Variants in CA10 observed in about 807,000 individuals in gnomAD.
CA10 encodes the protein carbonic anhydrase 10 (inactive), also known as carbonic anhydrase-related protein 10.
Under a neutral mutation model 44.2 loss-of-function variants are expected in CA10, and 14 were observed. That is an observed-to-expected ratio of 0.32 (90% confidence interval 0.21 to 0.50). CA10 has a LOEUF of 0.50. CA10 is among the 20% of genes least tolerant of loss of function. The probability of loss-of-function intolerance (pLI) is 0.99; values close to 1 mark genes in which losing one functional copy is unlikely to be tolerated. For missense variants in CA10, 350 were observed against 409.7 expected (o/e 0.85, Z 1.26); for synonymous variants, 159 against 141.6 (o/e 1.12, Z -0.87).
chr17:52,129,121 C>T (rs1238984223), intron 1 of CA10, among the ~76,000 whole-genome samples: 1 of 152,166 alleles, frequency 6.6e-6, no homozygotes, highest in Non-Finnish European at 1.5e-5. Flanking sequence ...TCTCTGTAGC[C>T]TACTCATCCT....
intron 3 of CA10, among the ~76,000 whole-genome samples, chr17:51,905,153 A>G (rs9675183): frequency 0.12 from 18,377 of 152,144 alleles, 1,637 homozygotes; most frequent in African/African-American, 0.26. Context: ...CTAAGATTGG[A>G]AATCAAAAAG....
intron 3 of CA10, among the ~76,000 whole-genome samples, chr17:51,917,138 G>A (rs203066): frequency 0.53 from 80,060 of 152,062 alleles, 21,548 homozygotes; most frequent in Non-Finnish European, 0.57. Flanking sequence ...GATAAAAAAG[G>A]GGGCTTATAT....
At chr17:51,752,147 A>G (rs933080877) in intron 3 of CA10, among the ~76,000 whole-genome samples, 3 of 152,072 alleles carry the variant, frequency 2.0e-5, no homozygotes, top group Non-Finnish European at 2.9e-5. Context: ...AATCAAAAAA[A>G]GCTGTGTAGC....
chr17:51,782,436 CATTTTCTCCATCAAAATGAA>C (rs1906100984), intron 3 of CA10, among the ~76,000 whole-genome samples: 1 of 152,162 alleles, frequency 6.6e-6, no homozygotes, highest in East Asian at 1.9e-4. Context: ...ATGGAGAAAA[CATTTTCTCCATCAAAATGAA>C]ATGAAGGCCC....
intron 2 of CA10, among the ~76,000 whole-genome samples, chr17:52,019,297 C>T (rs1042525490): frequency 9.2e-5 from 14 of 151,974 alleles, no homozygotes; most frequent in African/African-American, 2.7e-4. Flanking sequence ...ATGAACAAAA[C>T]GTTAGTTGTG....
intron 3 of CA10, among the ~76,000 whole-genome samples, chr17:51,819,108 G>A (rs560883073): frequency 6.6e-6 from 1 of 152,296 alleles, no homozygotes; most frequent in East Asian, 1.9e-4. Flanking sequence ...TTTTATAATT[G>A]AGAAAAACAG....
intron 3 of CA10, among the ~76,000 whole-genome samples, chr17:51,760,027 A>G (rs995777195): frequency 2.6e-5 from 4 of 152,298 alleles, no homozygotes; most frequent in African/African-American, 9.6e-5. Flanking sequence ...ATGTCATTTA[A>G]TTCAATCCCT....
chr17:51,782,188 A>T (rs1906089375), intron 3 of CA10, among the ~76,000 whole-genome samples: 1 of 152,238 alleles, frequency 6.6e-6, no homozygotes, highest in South Asian at 2.1e-4. Context: ...TGGTCATCTG[A>T]ATACTCCAAA....
chr17:51,809,360 T>C (rs1284540395), intron 3 of CA10, among the ~76,000 whole-genome samples: 2 of 152,236 alleles, frequency 1.3e-5, no homozygotes, highest in South Asian at 2.1e-4. Flanking sequence ...ATTGTGGCTA[T>C]ATGTCATTTA....
intron 2 of CA10, among the ~76,000 whole-genome samples, chr17:51,973,949 A>C (rs1037374918): frequency 6.6e-6 from 1 of 152,184 alleles, no homozygotes; most frequent in Non-Finnish European, 1.5e-5. Context: ...AAAAGTAGCT[A>C]TCATAAATAT....
intron 2 of CA10, among the ~76,000 whole-genome samples, chr17:51,991,355 T>A (rs1716144176): frequency 6.6e-6 from 1 of 152,150 alleles, no homozygotes; most frequent in Non-Finnish European, 1.5e-5. Flanking sequence ...GTCCTTTAGA[T>A]CTATTTCAGA....
At chr17:52,131,866 T>C (rs1989247944) in intron 1 of CA10, among the ~76,000 whole-genome samples, 1 of 152,176 alleles carries the variant, frequency 6.6e-6, no homozygotes, top group Non-Finnish European at 1.5e-5. Context: ...TGTAGGGATA[T>C]GGATGAAATT....
chr17:52,032,032 A>G (rs550379408), intron 2 of CA10, among the ~76,000 whole-genome samples: 12 of 152,312 alleles, frequency 7.9e-5, no homozygotes, highest in Admixed American at 3.3e-4. Flanking sequence ...AAAATCGAGT[A>G]AGTTAAAAGC....
At chr17:51,920,473 G>T (rs1429774609) in intron 3 of CA10, among the ~76,000 whole-genome samples, 1 of 152,102 alleles carries the variant, frequency 6.6e-6, no homozygotes, top group Admixed American at 6.5e-5. Context: ...AGAAATAAAG[G>T]AACATGATGC....
At chr17:51,951,653 C>T (rs998024323) in intron 2 of CA10, among the ~76,000 whole-genome samples, 2 of 152,154 alleles carry the variant, frequency 1.3e-5, no homozygotes, top group Non-Finnish European at 2.9e-5. Flanking sequence ...TGCTCTATGC[C>T]TATTAAACAT....
intron 3 of CA10, among the ~76,000 whole-genome samples, chr17:51,871,436 C>A (rs914461830): frequency 1.6e-5 from 2 of 123,398 alleles, no homozygotes; most frequent in Admixed American, 1.1e-4. Flanking sequence ...GACGGGGCTT[C>A]ACCATGTTGG....
intron 3 of CA10, among the ~76,000 whole-genome samples, chr17:51,869,026 T>C (rs1226749017): frequency 6.6e-6 from 1 of 152,058 alleles, no homozygotes; most frequent in African/African-American, 2.4e-5. Flanking sequence ...AAAAAAGATT[T>C]ATACACCTCT....
intron 3 of CA10, among the ~76,000 whole-genome samples, chr17:51,900,640 GCTCT>G (rs1391443663): frequency 3.3e-5 from 5 of 151,932 alleles, no homozygotes; most frequent in African/African-American, 1.2e-4. Flanking sequence ...TTGCCTTCTC[GCTCT>G]CTCTTTCAGG....
chr17:52,053,250 T>C (rs1489125720), intron 2 of CA10, among the ~76,000 whole-genome samples: 2 of 152,192 alleles, frequency 1.3e-5, no homozygotes, highest in East Asian at 1.9e-4. Flanking sequence ...GGGGCTATCA[T>C]AGGCACAGGT....
Sources: gnomAD v4.1 joint callset for allele counts (sites outside exome capture counted in the v4.1 genomes callset) on GRCh38, gnomAD v4.1.1 for gene constraint, MANE v1.5 for transcripts, NCBI Gene and HGNC (gene_info 2026-07-23, HGNC 2026-07-21) for gene names.